The following GAPVD1 variants were observed in gnomAD, a reference collection of about 807,000 sequenced individuals.
GAPVD1 encodes the protein GTPase activating protein and VPS9 domains 1, also known as GTPase-activating protein and VPS9 domain-containing protein 1.
Under a neutral mutation model 155.5 loss-of-function variants are expected in GAPVD1, and 35 were observed. That is an observed-to-expected ratio of 0.23 (90% CI 0.17 to 0.30). GAPVD1 has a LOEUF of 0.30. Ranked by LOEUF, GAPVD1 falls within the 10% of genes least tolerant of loss-of-function variation. GAPVD1 has a pLI of 1.00. For synonymous variants in GAPVD1, 636 were observed against 619.7 expected, an observed-to-expected ratio of 1.03 and a Z score of -0.39; for missense variants, 1,429 against 1,775.7, an observed-to-expected ratio of 0.80 and a Z score of 3.51.
At chr9:125,361,028 A>G (rs987380404) in intron 27 of GAPVD1, among the ~76,000 whole-genome samples, 8 of 151,516 alleles carry the variant, frequency 5.3e-5, no homozygotes, top group African/African-American at 1.9e-4. Flanking sequence ...TGCCCAGCGA[A>G]TTTTTTTTCA....
intron 2 of GAPVD1, among the ~76,000 whole-genome samples, chr9:125,275,911 T>G (rs1472911807): frequency 6.6e-6 from 1 of 152,242 alleles, no homozygotes; most frequent in East Asian, 1.9e-4. Flanking sequence ...TGTATTGATA[T>G]TGTCTCAGTT....
intron 2 of GAPVD1, among the ~76,000 whole-genome samples, chr9:125,271,940 G>A (rs890694388): frequency 6.6e-6 from 1 of 152,120 alleles, no homozygotes; most frequent in African/African-American, 2.4e-5. Context: ...AATGCATTAG[G>A]TCTAAAAGTT....
intron 10 of GAPVD1, 111 bp downstream of exon 10, chr9:125,321,673 A>AAATCTTCATTAGTCTCCTCAGT: frequency 2.2e-6 from 2 of 927,136 alleles, no homozygotes; most frequent in Non-Finnish European, 3.2e-6. Flanking sequence ...CTCACTGAGG[A>AAATCTTCATTAGTCTCCTCAGT]GACTAATGAA....
intron 2 of GAPVD1, among the ~76,000 whole-genome samples, chr9:125,286,039 C>A (rs140479006): frequency 1.3e-5 from 2 of 152,146 alleles, no homozygotes; most frequent in African/African-American, 2.4e-5. Context: ...AAATCCTGGG[C>A]TCAAGTGATC....
At chr9:125,271,006 A>G (rs1215150787) in intron 2 of GAPVD1, among the ~76,000 whole-genome samples, 1 of 152,186 alleles carries the variant, frequency 6.6e-6, no homozygotes, top group African/African-American at 2.4e-5. Context: ...AGGGGTTTCT[A>G]TAAATTTTTT....
Position 125,303,656 on chromosome 9 carries a change from A to G in GAPVD1, c.1029+830A>G, listed in dbSNP as rs955849718. Among the ~76,000 whole-genome samples, 5 of 151,896 alleles carry G rather than the reference A, an allele frequency of 3.3e-5. No individual in the cohort carries two copies. In the East Asian group the frequency reaches 9.8e-4, roughly 30 times the overall value. ...CCAGGTGTGGTGTCACATGCCTGTA[A>G]TCCCAGTTACTTGGGAGGCTGAGGC... is the stretch of plus-strand genomic sequence containing the variant. On this transcript the variant is annotated intron_variant, in intron 5 of 27. Coordinates refer to ENST00000297933, the MANE Select transcript of GAPVD1 (RefSeq NM_001282680.3).
chr9:125,325,566 C>T (rs1564397409), intron 11 of GAPVD1, among the ~76,000 whole-genome samples: 1 of 145,236 alleles, frequency 6.9e-6, no homozygotes, highest in Non-Finnish European at 1.5e-5. Context: ...AGGTTTGACA[C>T]AGTGATTTTA....
chr9:125,324,742 A>G (rs1169091729), intron 11 of GAPVD1, among the ~76,000 whole-genome samples: 1 of 152,142 alleles, frequency 6.6e-6, no homozygotes, highest in Non-Finnish European at 1.5e-5. Flanking sequence ...GTACTTTTTC[A>G]GGTATCAGTT....
chr9:125,360,178 A>G (rs1244123178), intron 26 of GAPVD1, among the ~76,000 whole-genome samples: 3 of 152,176 alleles, frequency 2.0e-5, no homozygotes, highest in African/African-American at 7.2e-5. Flanking sequence ...GTCCTCTTTT[A>G]GTAGTTTGTA....
intron 2 of GAPVD1, among the ~76,000 whole-genome samples, chr9:125,283,028 TTTTATTTATTTA>T (rs10649964): frequency 0.023 from 3,239 of 143,370 alleles, 41 homozygotes; most frequent in Middle Eastern, 0.046. Context: ...TTATTTTTAT[TTTTATTTATTTA>T]TTTATTTATT....
intron 9 of GAPVD1, among the ~76,000 whole-genome samples, chr9:125,317,564 A>T (rs1188318569): frequency 6.9e-6 from 1 of 144,504 alleles, no homozygotes; most frequent in Non-Finnish European, 1.5e-5. Context: ...TGTAGAGGTT[A>T]TGGTGAGCTG....
At chr9:125,303,740 C>G (rs1050329348) in intron 5 of GAPVD1, among the ~76,000 whole-genome samples, 2 of 145,968 alleles carry the variant, frequency 1.4e-5, no homozygotes, top group Non-Finnish European at 3.0e-5. Context: ...TGCACCGTTG[C>G]ACTCCAGCCT....
chr9:125,362,739 G>A lies in GAPVD1; in HGVS notation c.4376G>A (p.Arg1459Gln), dbSNP rs769513731. Residue 1459 changes from arginine (R) to glutamine (Q), a missense_variant, in exon 28 of 28, where the codon CGA becomes CAA. Physicochemically the swap from Arg to Gln is conservative, Grantham distance 43. This residue lies in a region of GAPVD1 where 102 missense variants were observed against 196.5 expected (regional missense o/e 0.52). Coordinates refer to ENST00000297933, the MANE Select transcript of GAPVD1 (RefSeq NM_001282680.3). Reference sequence around the variant, plus strand: ...GAATTCATTAAAACCATCGATGACCGAAAGTGACCAAGACCAAGGCCCACC... The same window carrying A: ...GAATTCATTAAAACCATCGATGACCAAAAGTGACCAAGACCAAGGCCCACC... ...AVEFIKTIDD[R>Q]K 3.7e-6 allele frequency: 6 copies of A among 1,613,110 alleles called. No homozygotes were observed. Among genetic ancestry groups the A allele is most frequent in the Admixed American group, 1.7e-5 (1 of 59,904 alleles).
rs762357405 is a variant in GAPVD1, at chr9:125,337,578, C to T, written c.2864C>T (p.Ser955Phe). ...HSSSSSPSKD[S>F]SRGETEERKD... ...TCATCTTCATCCCCGAGTAAGGACT[C>T]CTCAAGAGGAGAGGTATGGGACATA... Residue 955 changes from serine to phenylalanine, a missense_variant, in exon 17 of 28, where the codon TCC becomes TTC. This residue lies in a region of GAPVD1 where 699 missense variants were observed against 826.0 expected (regional missense o/e 0.85). Coordinates refer to ENST00000297933, the MANE Select transcript of GAPVD1 (RefSeq NM_001282680.3). 6.2e-7 allele frequency: 1 copy of T among 1,613,622 alleles called. No individual in the cohort carries two copies. Among genetic ancestry groups the T allele is most frequent in the Admixed American group, 1.7e-5 (1 of 60,004 alleles).
At chr9:125,280,396 CAAAAAAAAA>C (rs750354567) in intron 2 of GAPVD1, among the ~76,000 whole-genome samples, 2 of 57,338 alleles carry the variant, frequency 3.5e-5, no homozygotes, top group South Asian at 7.8e-4. Flanking sequence ...AAGTCCATCT[CAAAAAAAAA>C]AAAAAAAAAA....
At chr9:125,289,035 C>CT (rs1212978685) in intron 2 of GAPVD1, among the ~76,000 whole-genome samples, 3 of 152,160 alleles carry the variant, frequency 2.0e-5, no homozygotes, top group African/African-American at 7.2e-5. Context: ...TCTGGCACGT[C>CT]TGACAATACG....
Position 125,366,552 on chromosome 9 carries a change from T to A in GAPVD1, c.*3806T>A, listed in dbSNP as rs1281055710. On this transcript the variant is annotated 3_prime_UTR_variant, in exon 28 of 28. Transcript: ENST00000297933. ...AAGAAAAGGCTGTTGTCTCTCTTTT[T>A]AAATATTTAAGTCTAGTGAGTTTAT... is the stretch of plus-strand genomic sequence containing the variant. 1 of 152,214 alleles carries A rather than the reference T, an allele frequency of 6.6e-6. No individual in the cohort carries two copies. Among genetic ancestry groups the A allele is most frequent in the Non-Finnish European group, 1.5e-5 (1 of 68,038 alleles). The allele number at this position is 152,214 out of a possible 1,614,324, so 9.4% of individuals were successfully genotyped here. A position where few individuals can be genotyped will look rare whatever the true frequency, so the allele number is the denominator to read the frequency against.
rs117062093 is a variant in GAPVD1 at position 125,297,227 on chromosome 9, C to T, written c.-33+1653C>T. ...ATTCAACTCCTGCTGTGAACTAGGC[C>T]GTCTCCTAGTCCCTGAAATTACAGC... On this transcript the variant is annotated intron_variant, in intron 3 of 27. Transcript: ENST00000297933. Among the ~76,000 whole-genome samples, 9 of 152,218 alleles carry T rather than the reference C, an allele frequency of 5.9e-5. No individual in the cohort carries two copies. In the East Asian group the frequency reaches 7.7e-4, roughly 13 times the overall value.
chr9:125,316,308 C>G (rs62581367), intron 9 of GAPVD1, among the ~76,000 whole-genome samples: 15,990 of 152,078 alleles, frequency 0.11, 1,077 homozygotes, highest in Non-Finnish European at 0.15. Context: ...AGATATTTCT[C>G]CTAATGATAT....
Sources: gnomAD v4.1 joint callset for allele counts (sites outside exome capture counted in the v4.1 genomes callset) on GRCh38, gnomAD v4.1.1 for gene constraint, gnomAD v4.1.1 regional missense constraint, MANE v1.5 for transcripts, NCBI Gene and HGNC (gene_info 2026-07-23, HGNC 2026-07-21) for gene names.